Variants in STX8 observed in about 807,000 individuals in gnomAD.
STX8 encodes the protein syntaxin 8.
Under a neutral mutation model 37.5 loss-of-function variants are expected in STX8, and 23 were observed. That is an observed-to-expected ratio of 0.61 (90% CI 0.44 to 0.87). The LOEUF is 0.87. STX8 is among the 40% of genes least tolerant of loss of function. STX8 has a pLI of 0.00. For synonymous variants in STX8, 115 were observed against 99.1 expected (o/e 1.16, Z -0.95); for missense variants, 313 against 284.7 (o/e 1.10, Z -0.71).
chr17:9,534,786 C>T (rs76280402), intron 4 of STX8, among the ~76,000 whole-genome samples: 1 of 142,792 alleles, frequency 7.0e-6, no homozygotes, highest in African/African-American at 2.6e-5. Context: ...GATTCTGTCT[C>T]AAAAAAAAAA....
chr17:9,307,628 A>G (rs1371613688), intron 7 of STX8, among the ~76,000 whole-genome samples: 1 of 152,146 alleles, frequency 6.6e-6, no homozygotes, highest in Non-Finnish European at 1.5e-5. Flanking sequence ...GCGGGGTGGA[A>G]TTAACAGTTT....
At chr17:9,399,260 T>C (rs775719615) in intron 6 of STX8, among the ~76,000 whole-genome samples, 3 of 152,154 alleles carry the variant, frequency 2.0e-5, no homozygotes, top group Non-Finnish European at 2.9e-5. Context: ...CCTATTTACA[T>C]GGAAGAGTGA....
intron 7 of STX8, among the ~76,000 whole-genome samples, chr17:9,366,662 A>G (rs1007275234): frequency 6.6e-6 from 1 of 152,206 alleles, no homozygotes; most frequent in African/African-American, 2.4e-5. Context: ...AAAAAGCCAA[A>G]AAATAAGCCC....
chr17:9,571,553 T>C (rs10852914), intron 1 of STX8, among the ~76,000 whole-genome samples: 104,960 of 136,804 alleles, frequency 0.77, 41,087 homozygotes, highest in East Asian at 0.98. Flanking sequence ...TTGCCGAGAT[T>C]GTGCCATCGC....
intron 7 of STX8, among the ~76,000 whole-genome samples, chr17:9,276,586 G>GT (rs1412591851): frequency 2.0e-5 from 3 of 151,248 alleles, no homozygotes; most frequent in Non-Finnish European, 4.4e-5. Flanking sequence ...AACAAAATTA[G>GT]TTTTTTGTCA....
intron 7 of STX8, among the ~76,000 whole-genome samples, chr17:9,266,488 CAA>C (rs1907236555): frequency 6.6e-6 from 1 of 152,138 alleles, no homozygotes; most frequent in Non-Finnish European, 1.5e-5. Context: ...CTGAGAGCTG[CAA>C]AGTGTTGGCC....
chr17:9,449,498 C>G (rs1226390529), intron 6 of STX8, among the ~76,000 whole-genome samples: 2 of 152,128 alleles, frequency 1.3e-5, no homozygotes, highest in African/African-American at 2.4e-5. Context: ...GGGACGGAGC[C>G]TGCAGTGAGC....
At chr17:9,285,976 C>G (rs1442649738) in intron 7 of STX8, among the ~76,000 whole-genome samples, 3 of 152,234 alleles carry the variant, frequency 2.0e-5, no homozygotes, top group African/African-American at 7.2e-5. Flanking sequence ...GCATCCCACA[C>G]TTGCCAATAA....
At chr17:9,364,591 C>T (rs1416610334) in intron 7 of STX8, among the ~76,000 whole-genome samples, 3 of 151,994 alleles carry the variant, frequency 2.0e-5, no homozygotes, top group East Asian at 1.9e-4. Context: ...AGGGCAGCGG[C>T]GCGATCTTGG....
chr17:9,556,283 CA>C (rs1906960659), intron 3 of STX8, among the ~76,000 whole-genome samples: 1 of 151,854 alleles, frequency 6.6e-6, no homozygotes, highest in African/African-American at 2.4e-5. Context: ...CCTGAAATAC[CA>C]AAAATTGGGT....
chr17:9,295,266 A>G (rs1426194644), intron 7 of STX8, among the ~76,000 whole-genome samples: 1 of 152,226 alleles, frequency 6.6e-6, no homozygotes, highest in East Asian at 1.9e-4. Context: ...CTTAGAACCC[A>G]TAACACTTTA....
intron 6 of STX8, among the ~76,000 whole-genome samples, chr17:9,431,453 GTT>G (rs568603260): frequency 2.6e-5 from 3 of 115,318 alleles, no homozygotes; most frequent in African/African-American, 1.0e-4. Context: ...TTGTTGTTTT[GTT>G]TTTTTTGTTT....
chr17:9,575,784 G>A lies in STX8; in HGVS notation c.17+8C>T, dbSNP rs113570158. 1.9e-6 allele frequency: 3 copies of A among 1,544,498 alleles called. No individual in the cohort carries two copies. The highest frequency in any genetic ancestry group is 4.9e-5 in the East Asian group (2 of 40,914). ...CTCCACGCACCGCCGCCCTCACCCG[G>A]GACTCACCAGGGGTCCGGTGCCATC... On this transcript the variant is annotated splice_region_variant and intron_variant, in intron 1 of 7. Transcript: ENST00000306357.
chr17:9,383,825 C>A (rs1030723530), intron 6 of STX8, among the ~76,000 whole-genome samples: 39 of 151,764 alleles, frequency 2.6e-4, no homozygotes, highest in African/African-American at 9.2e-4. Context: ...TGATAAAGAA[C>A]GGAGAAAAAA....
intron 5 of STX8, among the ~76,000 whole-genome samples, chr17:9,496,354 G>A (rs1904406577): frequency 6.6e-6 from 1 of 152,162 alleles, no homozygotes; most frequent in Non-Finnish European, 1.5e-5. Context: ...GGGATTACAG[G>A]CGTGAGCCAC....
At chr17:9,393,272 G>A (rs1018323372) in intron 6 of STX8, among the ~76,000 whole-genome samples, 10 of 152,306 alleles carry the variant, frequency 6.6e-5, no homozygotes, top group South Asian at 2.1e-4. Context: ...CTTCAGCACC[G>A]AGGTGAAATA....
chr17:9,518,393 C>T (rs1597720575), intron 4 of STX8, among the ~76,000 whole-genome samples: 1 of 152,262 alleles, frequency 6.6e-6, no homozygotes, highest in East Asian at 1.9e-4. Flanking sequence ...CCTCTCCTCT[C>T]TTGGCTTCCT....
intron 6 of STX8, among the ~76,000 whole-genome samples, chr17:9,439,639 G>T (rs930321378): frequency 6.6e-6 from 1 of 151,744 alleles, no homozygotes; most frequent in Admixed American, 6.6e-5. Flanking sequence ...GGGACTACAG[G>T]TGCGTGCCAC....
At chr17:9,574,521 T>C (rs1907815731) in intron 1 of STX8, among the ~76,000 whole-genome samples, 1 of 134,424 alleles carries the variant, frequency 7.4e-6, no homozygotes, top group Non-Finnish European at 1.6e-5. Flanking sequence ...ACTGTTAAAA[T>C]TAGGGATTTT....
Sources: allele counts gnomAD v4.1 joint callset (sites outside exome capture counted in the v4.1 genomes callset), GRCh38; gene constraint gnomAD v4.1.1; transcripts MANE v1.5; gene names NCBI Gene and HGNC (gene_info 2026-07-23, HGNC 2026-07-21).